The following ABCA8 variants were observed in gnomAD, a reference collection of about 807,000 sequenced individuals.
ABCA8 encodes ATP binding cassette subfamily A member 8, also known as ABC-type organic anion transporter ABCA8.
Under a neutral mutation model 192.3 loss-of-function variants are expected in ABCA8, and 177 were observed. The observed-to-expected ratio is 0.92, with a 90% confidence interval of 0.81 to 1.04. The LOEUF is 1.04. Among genes scored for constraint, ABCA8 ranks in the 50% least tolerant of loss-of-function variants. The pLI is 0.00. For missense variants in ABCA8, 1,915 were observed against 1,904.8 expected (o/e 1.01, Z -0.10); for synonymous variants, 642 against 690.2 (o/e 0.93, Z 1.09).
Position 68,921,364 on chromosome 17 carries a change from AAAC to A in ABCA8, c.1612+15_1612+17del, listed in dbSNP as rs2067528565. On this transcript the variant is annotated intron_variant, in intron 13 of 39. Coordinates refer to ENST00000586539, the MANE Select transcript of ABCA8 (RefSeq NM_001288985.2). ...TTAAAGTATAATTTAAAAAAAAAGA[AAAC>A]AAACTAGTTTGTACCTTTGGTGGGA... 6.4e-7 allele frequency: 1 copy of A among 1,561,366 alleles called. No homozygotes were observed. The highest frequency in any genetic ancestry group is 1.9e-5 in the Admixed American group (1 of 53,472).
At chr17:68,877,788 CT>C in intron 32 of ABCA8, 109 bp from the exon 33 acceptor site, 12 of 1,204,890 alleles carry the variant, frequency 1.0e-5, no homozygotes, top group Middle Eastern at 2.0e-4. Context: ...AACTCTAAAC[CT>C]CATTGGGTTT....
At chr17:68,951,286 T>C (rs1272461217) in intron 1 of ABCA8, among the ~76,000 whole-genome samples, 1 of 152,242 alleles carries the variant, frequency 6.6e-6, no homozygotes, top group South Asian at 2.1e-4. Context: ...TTGTTTTTAG[T>C]GACTTTTTAT....
intron 2 of ABCA8, among the ~76,000 whole-genome samples, chr17:68,944,004 G>A (rs2068305410): frequency 2.0e-5 from 3 of 151,948 alleles, no homozygotes; most frequent in Admixed American, 2.0e-4. Context: ...GTCCTTTGCA[G>A]GGACATGGAT....
chr17:68,932,265 T>G, intron 7 of ABCA8, 23 bp downstream of exon 7: 1 of 1,555,436 alleles, frequency 6.4e-7, no homozygotes, highest in Admixed American at 1.8e-5. Context: ...TCCGTTTATT[T>G]ATTTGTGCTG....
Position 68,894,908 on chromosome 17 carries a change from C to A in ABCA8, c.2870G>T (p.Gly957Val). 6.2e-7 allele frequency: 1 copy of A among 1,613,430 alleles called. No individual in the cohort carries two copies. Among genetic ancestry groups the A allele is most frequent in the Non-Finnish European group, 8.5e-7 (1 of 1,179,712 alleles). The change falls in exon 22 of 40, where the codon GGA (glycine) becomes GTA (valine). Residue 957 changes from glycine to valine, a missense_variant. Physicochemically the swap from Gly to Val is moderately radical, Grantham distance 109. Transcript: ENST00000586539. ...RNGTDDPSYN[G>V]AITVCCNEKN... is the part of the protein sequence containing the mutation. ...TTCATTACAACACACTGTGATGGCT[C>A]CATTATAAGATGGGTCATCTGTGCC... is the stretch of plus-strand genomic sequence containing the variant.
chr17:68,936,269 G>A (rs1043297634), intron 5 of ABCA8, among the ~76,000 whole-genome samples: 2 of 152,026 alleles, frequency 1.3e-5, no homozygotes, highest in African/African-American at 4.8e-5. Flanking sequence ...ATGTCCAGAA[G>A]AGGTTATTCC....
At chr17:68,922,619 C>A (rs1175223431) in intron 11 of ABCA8, among the ~76,000 whole-genome samples, 1 of 152,052 alleles carries the variant, frequency 6.6e-6, no homozygotes, top group African/African-American at 2.4e-5. Context: ...AACTGCAAAG[C>A]TAAGAAAGCA....
At chr17:68,883,921 AG>A in intron 28 of ABCA8, 39 bp from the exon 29 acceptor site, 2 of 1,291,288 alleles carry the variant, frequency 1.5e-6, no homozygotes, top group Non-Finnish European at 2.2e-6. Flanking sequence ...AAACATAAAA[AG>A]ATAATTGTTC....
rs1293408557 is a variant in ABCA8 at position 68,932,411 on chromosome 17, T to A, written c.674A>T (p.Tyr225Phe). The change falls in exon 7 of 40, where the codon TAC becomes TTC. Residue 225 changes from tyrosine to phenylalanine, a missense_variant. By Grantham distance (22) the Tyr-to-Phe change is conservative (BLOSUM62 3). Coordinates refer to ENST00000586539, the MANE Select transcript of ABCA8 (RefSeq NM_001288985.2). ...IGQSGVITDLYLFSCIISFSS... is the reference protein window; with the variant it reads ...IGQSGVITDLFLFSCIISFSS... ...AAATGAAATAATGCAGGAAAAAAGGTACAAATCAGTTATAACTCCTGATTG... is the reference window on the plus strand; with the variant it reads ...AAATGAAATAATGCAGGAAAAAAGGAACAAATCAGTTATAACTCCTGATTG... 6.2e-7 allele frequency: 1 copy of A among 1,613,806 alleles called. No homozygotes were observed. Among genetic ancestry groups the A allele is most frequent in the African/African-American group, 1.3e-5 (1 of 74,900 alleles).
At chr17:68,881,086 A>G (rs1197823642) in intron 32 of ABCA8, 34 bp downstream of exon 32, 25 of 1,400,326 alleles carry the variant, frequency 1.8e-5, no homozygotes, top group Non-Finnish European at 2.4e-5. Flanking sequence ...CTATTTCACC[A>G]TTAGATAACA....
intron 9 of ABCA8, 85 bp from the exon 10 acceptor site, chr17:68,928,148 C>G (rs967743642): frequency 9.2e-7 from 1 of 1,085,776 alleles, no homozygotes; most frequent in Non-Finnish European, 1.3e-6. Context: ...AATGAAATGA[C>G]TACTTATTGC....
intron 11 of ABCA8, 60 bp from the exon 12 acceptor site, chr17:68,922,360 T>TA: frequency 8.7e-7 from 1 of 1,152,924 alleles, no homozygotes; most frequent in Non-Finnish European, 1.2e-6. Context: ...ATTTCCAGTT[T>TA]GGTAGACAGG....
Position 68,901,795 on chromosome 17 carries a change from C to T in ABCA8, c.2764+918G>A, listed in dbSNP as rs535949160. On this transcript the variant is annotated intron_variant, in intron 21 of 39. Transcript: ENST00000586539. ...TGGTCTCCAGCCTGGTGACACAGAG[C>T]GAGATTCCATCTCAAAAAAAAAAAA... Among the ~76,000 whole-genome samples, 16 of 134,430 alleles carry T rather than the reference C, an allele frequency of 1.2e-4. No individual in the cohort carries two copies. In the South Asian group the frequency reaches 3.7e-3, roughly 31 times the overall value. The allele number at this position is 134,430 out of a possible 152,430, so 88.2% of individuals were successfully genotyped here.
Position 68,882,588 on chromosome 17 carries a change from T to G in ABCA8, c.3828+11A>C. 1 of 1,603,246 alleles carries G rather than the reference T, an allele frequency of 6.2e-7. No homozygotes were observed. The highest frequency in any genetic ancestry group is 8.5e-7 in the Non-Finnish European group (1 of 1,175,536). ...ACTGACTAATAAAAAAACCTTTGTG[T>G]TATGTTTTACCTCATCAAAATTAGT... is the stretch of plus-strand genomic sequence containing the variant. On this transcript the variant is annotated intron_variant, in intron 30 of 39. Coordinates refer to ENST00000586539, the MANE Select transcript of ABCA8 (RefSeq NM_001288985.2).
chr17:68,887,887 T>G (rs1399500162), intron 24 of ABCA8, among the ~76,000 whole-genome samples: 3 of 41,836 alleles, frequency 7.2e-5, no homozygotes, highest in African/African-American at 5.5e-4. Context: ...CCTCCATATA[T>G]ATATATATAT....
In ABCA8 at chr17:68,894,193, C is replaced by G; in HGVS notation, c.3016G>C (p.Glu1006Gln). 1 of 1,613,308 alleles carries G rather than the reference C, an allele frequency of 6.2e-7. No individual in the cohort carries two copies. Among genetic ancestry groups the G allele is most frequent in the Non-Finnish European group, 8.5e-7 (1 of 1,179,646 alleles). ...TTTACCTCCAAAAATGTACTTCTTTCAGTTCGGATATGTACTGATGGTTTA... is the reference window on the plus strand; with the variant it reads ...TTTACCTCCAAAAATGTACTTCTTTGAGTTCGGATATGTACTGATGGTTTA... ...MVKPSVHIRT[E>Q]RSTFLENGQD... Residue 1006 changes from glutamate to glutamine, a missense_variant, in exon 23 of 40, where the codon GAA (glutamate) becomes CAA (glutamine). Glu to Gln is a conservative substitution (Grantham distance 29, BLOSUM62 2). Coordinates refer to ENST00000586539, the MANE Select transcript of ABCA8 (RefSeq NM_001288985.2).
chr17:68,933,269 G>C lies in ABCA8; in HGVS notation c.469C>G (p.His157Asp), dbSNP rs774249138. ...AKKEHKDHTA[H>D]CYETNEDVYC... The stretch of plus-strand genomic sequence containing the variant: ...ACATCTTCATTTGTTTCATAACAAT[G>C]AGCTTTGTGAAAAAACAAATCATAA... Residue 157 changes from histidine to aspartate, a missense_variant and splice_region_variant, in exon 6 of 40, where the codon CAT becomes GAT. By Grantham distance (81) the His-to-Asp change is moderately conservative. Transcript: ENST00000586539. 19 of 1,595,160 alleles carry C rather than the reference G, an allele frequency of 1.2e-5. No individual in the cohort carries two copies. In the Admixed American group the frequency reaches 1.9e-4, roughly 16 times the overall value.
chr17:68,896,924 G>A (rs971647262), intron 21 of ABCA8, among the ~76,000 whole-genome samples: 6 of 152,168 alleles, frequency 3.9e-5, no homozygotes, highest in Non-Finnish European at 8.8e-5. Flanking sequence ...AGAAGTTATA[G>A]CCATAGTGCA....
chr17:68,884,695 T>C (rs2143315790), intron 27 of ABCA8: 2 of 1,096,256 alleles, frequency 1.8e-6, no homozygotes, highest in Non-Finnish European at 2.2e-6. Flanking sequence ...GAACTTCACA[T>C]ACCTTCCTGT....
Sources: allele counts gnomAD v4.1 joint callset (sites outside exome capture counted in the v4.1 genomes callset), GRCh38; gene constraint gnomAD v4.1.1; transcripts MANE v1.5; gene names NCBI Gene and HGNC (gene_info 2026-07-23, HGNC 2026-07-21).